SLC15A3: variants seen among roughly 807,000 people sequenced by gnomAD.
SLC15A3 encodes the protein solute carrier family 15 member 3.
A neutral mutation model predicts 49.2 loss-of-function variants in SLC15A3; 39 were observed. The observed-to-expected ratio is 0.79, with a 90% CI of 0.61 to 1.04. The LOEUF is 1.04. SLC15A3 is among the 50% of genes least tolerant of loss of function. The pLI, the probability that SLC15A3 is intolerant of heterozygous loss-of-function variation, is 0.00. For synonymous variants in SLC15A3, 339 were observed against 367.0 expected, an observed-to-expected ratio of 0.92 and a Z score of 0.87; for missense variants, 758 against 794.8, an observed-to-expected ratio of 0.95 and a Z score of 0.56.
Position 60,951,169 on chromosome 11 carries a change from C to G in SLC15A3, c.383G>C (p.Ser128Thr). 6 of 1,494,628 alleles carry G rather than the reference C, an allele frequency of 4.0e-6. No individual in the cohort carries two copies. Among genetic ancestry groups the G allele is most frequent in the Non-Finnish European group, 5.3e-6 (6 of 1,130,474 alleles). 92.6% of individuals were successfully genotyped at this position (1,494,628 alleles called of 1,614,324 possible). ...LPATAFPDGR[S>T]SFCGEMPASP... The stretch of plus-strand genomic sequence containing the variant: ...CGCGGGCATCTCTCCGCAGAAGGAG[C>G]TGCGGCCGTCGGGGAAGGCGGTGGC... The change falls in exon 1 of 8, where the codon AGC becomes ACC. Residue 128 changes from serine to threonine, a missense_variant. Physicochemically the swap from Ser to Thr is moderately conservative, Grantham distance 58. Around this residue, in one of 3 missense-constraint regions of SLC15A3, gnomAD observed 699 missense variants for 706.7 expected, o/e 0.99. Transcript: ENST00000227880.
Position 60,949,484 on chromosome 11 carries a change from GGAAGA to G in SLC15A3, c.558+1505_558+1509del, listed in dbSNP as rs1565129797. Reference sequence around the variant, plus strand: ...AGAGAGAGAGAGAAAGAGAAAGAAAGGAAGAAAGAAAGAAAGAAGGAAAGAAAGAA... The same window carrying G: ...AGAGAGAGAGAGAAAGAGAAAGAAAGAAGAAAGAAAGAAGGAAAGAAAGAA... On this transcript the variant is annotated intron_variant, in intron 1 of 7. Transcript: ENST00000227880. Among the ~76,000 whole-genome samples the G allele has an allele frequency of 5.8e-5, 8 of 138,586 alleles. 1 individual carries two copies. The highest frequency in any genetic ancestry group is 2.3e-4 in the African/African-American group (8 of 34,630). The allele number at this position is 138,586 out of a possible 152,430, so 90.9% of individuals were successfully genotyped here.
intron 1 of SLC15A3, among the ~76,000 whole-genome samples, chr11:60,949,123 G>A (rs1856847822): frequency 6.6e-6 from 1 of 152,062 alleles, no homozygotes; most frequent in South Asian, 2.1e-4. Flanking sequence ...ATCACCTGAG[G>A]TCAGGAGTCA....
chr11:60,951,026 G>C lies in SLC15A3; in HGVS notation c.526C>G (p.Arg176Gly), dbSNP rs760082698. The part of the protein sequence containing the change: ...LLLGLAASSV[R>G]SNLTSFGADQ... Reference sequence around the variant, plus strand: ...GCACCGAAGGAGGTGAGGTTGCTCCGGACGGAGCTGGCGGCCAGGCCGAGT... The same window carrying C: ...GCACCGAAGGAGGTGAGGTTGCTCCCGACGGAGCTGGCGGCCAGGCCGAGT... The change falls in exon 1 of 8, where the codon CGG becomes GGG. Residue 176 changes from arginine to glycine, a missense_variant. By Grantham distance (125) the Arg-to-Gly change is moderately radical (BLOSUM62 -2). Coordinates refer to ENST00000227880, the MANE Select transcript of SLC15A3 (RefSeq NM_016582.3). 1 of 1,495,632 alleles carries C rather than the reference G, an allele frequency of 6.7e-7. No homozygotes were observed. The highest frequency in any genetic ancestry group is 2.8e-5 in the East Asian group (1 of 35,272). The allele number at this position is 1,495,632 out of a possible 1,614,324, so 92.6% of individuals were successfully genotyped here.
intron 1 of SLC15A3, among the ~76,000 whole-genome samples, chr11:60,947,165 G>A (rs370518002): frequency 1.4e-5 from 2 of 147,250 alleles, no homozygotes; most frequent in East Asian, 4.1e-4. Context: ...GTTTTTCACT[G>A]AGCAACCTAC....
chr11:60,946,427 A>G (rs1856802339), intron 2 of SLC15A3, 105 bp downstream of exon 2: 1 of 1,283,278 alleles, frequency 7.8e-7, no homozygotes, highest in African/African-American at 1.5e-5. Context: ...AAAAGCTATC[A>G]CTGTAGCTGA....
At position 60,938,109 on chromosome 11, in the gene SLC15A3, C is replaced by T. The variant is rs888669711; in HGVS notation, c.1436-84G>A. ...AGGCCCCTGCTTGCTGCCCCTGACC[C>T]TGCCCCCACCAAGCCACCCTCCAGG... On this transcript the variant is annotated intron_variant, in intron 6 of 7. Coordinates refer to ENST00000227880, the MANE Select transcript of SLC15A3 (RefSeq NM_016582.3). 8 of 1,473,146 alleles carry T rather than the reference C, an allele frequency of 5.4e-6. No individual in the cohort carries two copies. In the African/African-American group the frequency reaches 1.1e-4, roughly 21 times the overall value. The allele number at this position is 1,473,146 out of a possible 1,614,324, so 91.3% of individuals were successfully genotyped here.
chr11:60,950,942 C>T lies in SLC15A3; in HGVS notation c.558+52G>A, dbSNP rs1444224375. Reference sequence around the variant, plus strand: ...CCAGGTCACGCTGGGGGCCAGCCCTCCTTCCCTCCACACCCGCCGGAGTAT... The same window carrying T: ...CCAGGTCACGCTGGGGGCCAGCCCTTCTTCCCTCCACACCCGCCGGAGTAT... On this transcript the variant is annotated intron_variant, in intron 1 of 7. Transcript: ENST00000227880. 10 of 1,387,838 alleles carry T rather than the reference C, an allele frequency of 7.2e-6. No homozygotes were observed. In the East Asian group the frequency reaches 2.1e-4, roughly 29 times the overall value. 86.0% of individuals were successfully genotyped at this position (1,387,838 alleles called of 1,614,324 possible).
intron 6 of SLC15A3, among the ~76,000 whole-genome samples, chr11:60,938,528 AGTCTAAAGGACCTC>A (rs1449372819): frequency 3.5e-4 from 54 of 152,180 alleles, no homozygotes; most frequent in African/African-American, 1.3e-3. Context: ...CAGGAGCATC[AGTCTAAAGGACCTC>A]GGATGGGGTC....
chr11:60,949,556 G>GTAA (rs1856873871), intron 1 of SLC15A3, among the ~76,000 whole-genome samples: 1 of 71,378 alleles, frequency 1.4e-5, no homozygotes, highest in Non-Finnish European at 4.0e-5. Context: ...AAGAAAGAAA[G>GTAA]AAAGAAAGAA....
At chr11:60,944,744 A>T (rs1356167261) in intron 2 of SLC15A3, among the ~76,000 whole-genome samples, 1 of 152,088 alleles carries the variant, frequency 6.6e-6, no homozygotes, top group African/African-American at 2.4e-5. Context: ...CAACATGGCA[A>T]CCCTCTCCCT....
At chr11:60,949,499 A>AGAAG (rs1565129832) in intron 1 of SLC15A3, among the ~76,000 whole-genome samples, 10 of 130,482 alleles carry the variant, frequency 7.7e-5, no homozygotes, top group Non-Finnish European at 1.4e-4. Context: ...AAAGAAAGAA[A>AGAAG]GAAGGAAAGA....
intron 1 of SLC15A3, among the ~76,000 whole-genome samples, chr11:60,948,076 G>A (rs774455052): frequency 6.6e-5 from 10 of 152,170 alleles, no homozygotes; most frequent in Non-Finnish European, 1.3e-4. Flanking sequence ...CACTAGCTAG[G>A]GCGATTTTGT....
chr11:60,946,942 T>G, intron 1 of SLC15A3, 121 bp from the exon 2 acceptor site: 1 of 1,058,174 alleles, frequency 9.5e-7, no homozygotes, highest in Non-Finnish European at 1.3e-6. Context: ...TTCCGACACT[T>G]TCCCAGTCTC....
chr11:60,939,776 A>G, intron 5 of SLC15A3, 138 bp from the exon 6 acceptor site: 1 of 957,042 alleles, frequency 1.0e-6, no homozygotes, highest in Non-Finnish European at 1.5e-6. Flanking sequence ...AGAATGCTGG[A>G]CTGGGGGGTG....
intron 2 of SLC15A3, among the ~76,000 whole-genome samples, chr11:60,944,764 G>A (rs950089552): frequency 3.3e-5 from 5 of 152,272 alleles, no homozygotes; most frequent in Admixed American, 1.3e-4. Context: ...TCCATGACAA[G>A]GCATAGAGAG....
Position 60,937,308 on chromosome 11 carries a change from C to G in SLC15A3, c.1657G>C (p.Ala553Pro). ...FLLAGIQAVTALLFVWIAGRY... is the reference protein window; with the variant it reads ...FLLAGIQAVTPLLFVWIAGRY... ...CCAGCGATCCAGACAAATAGGAGAGCCGTGACGGCCTGAATGCCAGCCAGC... is the reference window on the plus strand; with the variant it reads ...CCAGCGATCCAGACAAATAGGAGAGGCGTGACGGCCTGAATGCCAGCCAGC... The change falls in exon 8 of 8, where the codon GCT becomes CCT. Residue 553 changes from alanine to proline, a missense_variant. Ala to Pro is a conservative substitution (Grantham distance 27). Transcript: ENST00000227880. 1 of 1,614,146 alleles carries G rather than the reference C, an allele frequency of 6.2e-7. No homozygotes were observed. Among genetic ancestry groups the G allele is most frequent in the East Asian group, 2.2e-5 (1 of 44,870 alleles).
intron 3 of SLC15A3, chr11:60,943,355 C>A (rs560396834): frequency 1.0e-4 from 18 of 175,136 alleles, no homozygotes; most frequent in Middle Eastern, 2.3e-3. Context: ...GTTTAAGCCA[C>A]CCATTGTACA....
chr11:60,941,633 A>AT, intron 4 of SLC15A3: 1 of 330,802 alleles, frequency 3.0e-6, no homozygotes, highest in African/African-American at 2.1e-5. Flanking sequence ...TCTGCAGATC[A>AT]TTCATTTCAT....
chr11:60,940,519 CT>C (rs1447948233), intron 5 of SLC15A3: 1 of 152,268 alleles, frequency 6.6e-6, no homozygotes, highest in Non-Finnish European at 1.5e-5. Context: ...CCCCATCAGA[CT>C]GAGTTCCACA....
Sources: gnomAD v4.1 joint callset for allele counts (sites outside exome capture counted in the v4.1 genomes callset) on GRCh38, gnomAD v4.1.1 for gene constraint, gnomAD v4.1.1 regional missense constraint, MANE v1.5 for transcripts, NCBI Gene and HGNC (gene_info 2026-07-23, HGNC 2026-07-21) for gene names.